Variants in LRP12 observed in about 807,000 individuals in gnomAD.
LRP12 encodes low-density lipoprotein receptor-related protein 12.
A neutral mutation model predicts 66.0 loss-of-function variants in LRP12; 14 were observed. The observed-to-expected ratio is 0.21, with a 90% CI of 0.14 to 0.33. LRP12 has a LOEUF of 0.33. Ranked by LOEUF, LRP12 falls within the 10% of genes least tolerant of loss-of-function variation. The pLI, the probability that LRP12 is intolerant of heterozygous loss-of-function variation, is 1.00. For synonymous variants in LRP12, 357 were observed against 359.1 expected, an observed-to-expected ratio of 0.99 and a Z score of 0.07; for missense variants, 889 against 1,053.4, an observed-to-expected ratio of 0.84 and a Z score of 2.16.
At chr8:104,569,355 G>C (rs1270236203) in intron 1 of LRP12, among the ~76,000 whole-genome samples, 1 of 152,138 alleles carries the variant, frequency 6.6e-6, no homozygotes, top group Non-Finnish European at 1.5e-5. Flanking sequence ...GGTGACAGTT[G>C]TGTAACTTTG....
intron 1 of LRP12, among the ~76,000 whole-genome samples, chr8:104,550,003 G>A (rs1811702911): frequency 6.6e-6 from 1 of 152,006 alleles, no homozygotes; most frequent in African/African-American, 2.4e-5. Flanking sequence ...ATGTTCAAAG[G>A]TTCAAGTACT....
chr8:104,557,972 G>A (rs898580183), intron 1 of LRP12, among the ~76,000 whole-genome samples: 1 of 152,146 alleles, frequency 6.6e-6, no homozygotes, highest in African/African-American at 2.4e-5. Flanking sequence ...CACTCTGGGA[G>A]GCCAAAGCGG....
At position 104,495,146 on chromosome 8, in the gene LRP12, C is replaced by T. The variant is rs772238330; in HGVS notation, c.1644G>A (p.Ser548=). ...AELLRREAPP[S]YGQLIAQGLI... ...AACCCTGAGCAATCAATTGTCCATA[C>T]GAGGGAGGAGCTTCTCTTCTTAACA... Residue 548 remains serine, a synonymous_variant, in exon 6 of 7, where the codon TCG becomes TCA. Transcript: ENST00000276654. 81 of 1,613,558 alleles carry T rather than the reference C, an allele frequency of 5.0e-5. 1 individual carries two copies. Among genetic ancestry groups the T allele is most frequent in the Middle Eastern group, 1.6e-4 (1 of 6,080 alleles).
chr8:104,562,679 AATTTT>A (rs1811932057), intron 1 of LRP12, among the ~76,000 whole-genome samples: 1 of 152,132 alleles, frequency 6.6e-6, no homozygotes, highest in South Asian at 2.1e-4. Flanking sequence ...TCTTTGTTCT[AATTTT>A]ATTAGCCATC....
intron 1 of LRP12, among the ~76,000 whole-genome samples, chr8:104,546,975 T>C (rs1444995471): frequency 1.4e-5 from 2 of 142,768 alleles, no homozygotes; most frequent in Non-Finnish European, 3.0e-5. Flanking sequence ...CATATATAAT[T>C]CTATACATTT....
At chr8:104,500,613 GA>G (rs1478996533) in intron 3 of LRP12, among the ~76,000 whole-genome samples, 5 of 152,210 alleles carry the variant, frequency 3.3e-5, no homozygotes, top group Non-Finnish European at 5.9e-5. Flanking sequence ...TGAGGCAGGA[GA>G]ATCTCTTGAA....
intron 1 of LRP12, among the ~76,000 whole-genome samples, chr8:104,570,151 A>G (rs936921916): frequency 6.6e-5 from 10 of 152,290 alleles, no homozygotes; most frequent in Non-Finnish European, 1.5e-4. Flanking sequence ...AAATTAACAG[A>G]GCAACTCTGC....
chr8:104,546,819 CCT>C (rs1473013013), intron 1 of LRP12, among the ~76,000 whole-genome samples: 1 of 149,940 alleles, frequency 6.7e-6, no homozygotes, highest in Non-Finnish European at 1.5e-5. Context: ...ACTACCTTCC[CCT>C]GTCATTCGGA....
At chr8:104,517,494 C>G (rs1811088466) in intron 2 of LRP12, among the ~76,000 whole-genome samples, 1 of 151,788 alleles carries the variant, frequency 6.6e-6, no homozygotes, top group Admixed American at 6.6e-5. Flanking sequence ...TGATGTGATC[C>G]AAGTATTTTG....
intron 2 of LRP12, among the ~76,000 whole-genome samples, chr8:104,511,478 T>C (rs1390073404): frequency 6.6e-6 from 1 of 152,076 alleles, no homozygotes; most frequent in Non-Finnish European, 1.5e-5. Context: ...GCTTCCTGAG[T>C]AGCTGGGACT....
intron 2 of LRP12, among the ~76,000 whole-genome samples, chr8:104,511,031 T>A (rs13270109): frequency 3.1e-3 from 6 of 1,958 alleles, no homozygotes; most frequent in East Asian, 0.011. Context: ...GAAAAATGAC[T>A]TTTTTTTTTT....
chr8:104,513,103 G>C (rs1811021137), intron 2 of LRP12, among the ~76,000 whole-genome samples: 1 of 151,958 alleles, frequency 6.6e-6, no homozygotes, highest in Non-Finnish European at 1.5e-5. Flanking sequence ...TGAGTATGTA[G>C]ACAAATATGC....
rs1186985536 is a variant in LRP12, at chr8:104,546,985, T to TTGTATATAATATATAATTATATATTC, written c.80-15048_80-15023dup. ...TATATCATATATAATTCTATACATT[T>TTGTATATAATATATAATTATATATTC]TGTATATAATATATAATTATATATT... is the stretch of plus-strand genomic sequence containing the variant. On this transcript the variant is annotated intron_variant, in intron 1 of 6. Transcript: ENST00000276654. Among the ~76,000 whole-genome samples the TTGTATATAATATATAATTATATATTC allele has an allele frequency of 9.7e-3, 1,401 of 144,860 alleles. 19 individuals are homozygous for TTGTATATAATATATAATTATATATTC. The highest frequency in any genetic ancestry group is 0.034 in the African/African-American group (1,344 of 39,598).
At position 104,548,348 on chromosome 8, in the gene LRP12, TATA is replaced by T. The variant is rs1811658005; in HGVS notation, c.80-16388_80-16386del. ...AATATATATTATATAAATATATAAATATATAATATATATTATATAAATATATTA... is the reference window on the plus strand; with the variant it reads ...AATATATATTATATAAATATATAAATTAATATATATTATATAAATATATTA... On this transcript the variant is annotated intron_variant, in intron 1 of 6. Transcript: ENST00000276654. 2.9e-4 allele frequency among the ~76,000 whole-genome samples: 13 copies of T among 45,190 alleles called. 2 individuals carry two copies. The highest frequency in any genetic ancestry group is 2.7e-3 in the African/African-American group (13 of 4,902). The allele number at this position is 45,190 out of a possible 152,430, so 29.6% of individuals were successfully genotyped here.
chr8:104,563,122 C>T (rs1564145922), intron 1 of LRP12, among the ~76,000 whole-genome samples: 1 of 152,158 alleles, frequency 6.6e-6, no homozygotes, highest in Non-Finnish European at 1.5e-5. Context: ...CTTCCATTTA[C>T]TAATTACGTG....
intron 1 of LRP12, among the ~76,000 whole-genome samples, chr8:104,558,146 G>T (rs1390901578): frequency 2.0e-5 from 3 of 152,074 alleles, no homozygotes; most frequent in African/African-American, 7.2e-5. Flanking sequence ...AGAGGCGAAG[G>T]CTGCAGTGAA....
At chr8:104,552,372 G>T (rs373555655) in intron 1 of LRP12, among the ~76,000 whole-genome samples, 54 of 147,556 alleles carry the variant, frequency 3.7e-4, no homozygotes, top group South Asian at 6.4e-4. Flanking sequence ...TCTTTTTTTT[G>T]TTGTTTTTTT....
At chr8:104,522,544 C>T (rs995387547) in intron 2 of LRP12, among the ~76,000 whole-genome samples, 2 of 152,042 alleles carry the variant, frequency 1.3e-5, no homozygotes, top group African/African-American at 4.8e-5. Context: ...GATTCTAAGT[C>T]AAATGCAGAG....
chr8:104,514,810 G>A (rs2140848099), intron 2 of LRP12, among the ~76,000 whole-genome samples: 1 of 152,316 alleles, frequency 6.6e-6, no homozygotes, highest in South Asian at 2.1e-4. Context: ...TTTGGTAAAA[G>A]ACATAGCACA....
Sources: gnomAD v4.1 joint callset for allele counts (sites outside exome capture counted in the v4.1 genomes callset) on GRCh38, gnomAD v4.1.1 for gene constraint, MANE v1.5 for transcripts, NCBI Gene and HGNC (gene_info 2026-07-23, HGNC 2026-07-21) for gene names.